Variants in CLIC4 observed in about 807,000 individuals in gnomAD.
The protein encoded by CLIC4 is CLIC family member 4.
Under a neutral mutation model 24.6 loss-of-function variants are expected in CLIC4, and 13 were observed. The ratio of observed to expected loss-of-function variants is 0.53; its 90% CI spans 0.34 to 0.84. CLIC4 has a LOEUF of 0.84. CLIC4 is among the 40% of genes least tolerant of loss of function. The probability of loss-of-function intolerance (pLI) is 0.01; values close to 1 mark genes in which losing one functional copy is unlikely to be tolerated. For missense variants in CLIC4, 227 were observed against 301.7 expected, an observed-to-expected ratio of 0.75 and a Z score of 1.83; for synonymous variants, 104 against 111.3, an observed-to-expected ratio of 0.93 and a Z score of 0.41.
At chr1:24,797,626 T>C (rs1639419400) in intron 1 of CLIC4, 116 bp from the exon 2 acceptor site, 6 of 630,922 alleles carry the variant, frequency 9.5e-6, no homozygotes, top group Non-Finnish European at 1.6e-5. Flanking sequence ...TACTCTTCCT[T>C]CCACAATGTA....
chr1:24,820,082 T>TATATATATATATAA (rs1639713298), intron 3 of CLIC4, among the ~76,000 whole-genome samples: 1 of 103,342 alleles, frequency 9.7e-6, no homozygotes, highest in Non-Finnish European at 2.1e-5. Flanking sequence ...TATATATGTA[T>TATATATATATATAA]ATATATATAT....
Position 24,745,571 on chromosome 1 carries a change from G to T in CLIC4, c.18G>T (p.Pro6=). ...AGCCGGCCATGGCGTTGTCGATGCCGCTGAATGGGCTGAAGGAGGAGGACA... is the reference window on the plus strand; with the variant it reads ...AGCCGGCCATGGCGTTGTCGATGCCTCTGAATGGGCTGAAGGAGGAGGACA... MALSM[P]LNGLKEEDKE... The change falls in exon 1 of 6, where the codon CCG becomes CCT. Residue 6 remains proline (P), a synonymous_variant. Coordinates refer to ENST00000374379, the MANE Select transcript of CLIC4 (RefSeq NM_013943.3). The T allele has an allele frequency of 6.3e-7, 1 of 1,591,672 alleles. No homozygotes were observed. Among genetic ancestry groups the T allele is most frequent in the Non-Finnish European group, 8.5e-7 (1 of 1,171,678 alleles).
At chr1:24,805,086 C>A (rs1439771773) in intron 2 of CLIC4, among the ~76,000 whole-genome samples, 86 of 46,742 alleles carry the variant, frequency 1.8e-3, no homozygotes, top group Middle Eastern at 0.015. Context: ...GACTCCATGT[C>A]AAAAAAAAAA....
At chr1:24,831,778 A>G (rs1406603836) in intron 4 of CLIC4, among the ~76,000 whole-genome samples, 1 of 152,152 alleles carries the variant, frequency 6.6e-6, no homozygotes, top group Non-Finnish European at 1.5e-5. Flanking sequence ...AGCTGGGACT[A>G]CAGGCGTGCA....
chr1:24,837,956 C>T (rs1321835593), intron 4 of CLIC4, among the ~76,000 whole-genome samples: 1 of 152,196 alleles, frequency 6.6e-6, no homozygotes, highest in Non-Finnish European at 1.5e-5. Flanking sequence ...TTTATGTTCT[C>T]ATAACTTCTA....
intron 1 of CLIC4, among the ~76,000 whole-genome samples, chr1:24,773,179 A>G (rs1361088204): frequency 6.6e-6 from 1 of 152,174 alleles, no homozygotes. Flanking sequence ...TCTTAAAAAG[A>G]AAAAACTTTC....
chr1:24,824,045 G>A (rs1447485542), intron 3 of CLIC4, among the ~76,000 whole-genome samples: 9 of 152,158 alleles, frequency 5.9e-5, no homozygotes, highest in African/African-American at 1.4e-4. Context: ...GTTAAAATGA[G>A]TTCTCACAAT....
intron 1 of CLIC4, among the ~76,000 whole-genome samples, chr1:24,758,908 G>A (rs191661156): frequency 3.3e-5 from 5 of 152,150 alleles, no homozygotes; most frequent in African/African-American, 7.2e-5. Flanking sequence ...TGAAGGATGA[G>A]CACTGATCTG....
chr1:24,836,496 C>T (rs774866362), intron 4 of CLIC4, among the ~76,000 whole-genome samples: 2 of 151,976 alleles, frequency 1.3e-5, no homozygotes, highest in Non-Finnish European at 2.9e-5. Context: ...AAATTGAAAA[C>T]GAGGAATGTT....
At chr1:24,787,489 G>C (rs1322283374) in intron 1 of CLIC4, among the ~76,000 whole-genome samples, 1 of 152,000 alleles carries the variant, frequency 6.6e-6, no homozygotes, top group Non-Finnish European at 1.5e-5. Flanking sequence ...ATACAGTTCA[G>C]TGGTTTTTAG....
At chr1:24,820,793 A>G (rs188442194) in intron 3 of CLIC4, among the ~76,000 whole-genome samples, 9 of 152,350 alleles carry the variant, frequency 5.9e-5, no homozygotes, top group Admixed American at 2.6e-4. Flanking sequence ...CCAAGTATAT[A>G]TAAGTTTTTA....
chr1:24,770,308 A>G (rs1375423109), intron 1 of CLIC4, among the ~76,000 whole-genome samples: 1 of 131,304 alleles, frequency 7.6e-6, no homozygotes, highest in Admixed American at 7.5e-5. Flanking sequence ...AGGTTGGTAG[A>G]AAAAAAAAAA....
intron 4 of CLIC4, among the ~76,000 whole-genome samples, chr1:24,829,129 C>T (rs1639815716): frequency 6.6e-6 from 1 of 152,128 alleles, no homozygotes; most frequent in African/African-American, 2.4e-5. Flanking sequence ...TGACAATTTA[C>T]ACAGAGATGA....
chr1:24,781,216 C>CCTCTGTCTCCCTGG (rs1340523171), intron 1 of CLIC4, among the ~76,000 whole-genome samples: 3 of 148,642 alleles, frequency 2.0e-5, no homozygotes, highest in Non-Finnish European at 4.5e-5. Context: ...CTCACTGCAA[C>CCTCTGTCTCCCTGG]CTCTGTCTCC....
intron 4 of CLIC4, among the ~76,000 whole-genome samples, chr1:24,828,169 G>T (rs1639805204): frequency 6.6e-6 from 1 of 152,140 alleles, no homozygotes; most frequent in South Asian, 2.1e-4. Context: ...ATTATAAAAT[G>T]CTGCAATTTT....
chr1:24,782,524 T>C (rs1436718893), intron 1 of CLIC4, among the ~76,000 whole-genome samples: 1 of 152,152 alleles, frequency 6.6e-6, no homozygotes, highest in African/African-American at 2.4e-5. Context: ...AAAAAAGTTT[T>C]AATTTTAAAA....
chr1:24,806,741 TTTG>T (rs1412695708), intron 2 of CLIC4, among the ~76,000 whole-genome samples: 11 of 152,240 alleles, frequency 7.2e-5, no homozygotes, highest in African/African-American at 2.7e-4. Context: ...TGCATAATGC[TTTG>T]TTAATATGAT....
At chr1:24,791,259 G>A (rs901110080) in intron 1 of CLIC4, among the ~76,000 whole-genome samples, 2 of 152,090 alleles carry the variant, frequency 1.3e-5, no homozygotes, top group Non-Finnish European at 2.9e-5. Flanking sequence ...TAGAATAAAC[G>A]TATCCTGGCT....
At chr1:24,807,087 A>G (rs1639558138) in intron 2 of CLIC4, among the ~76,000 whole-genome samples, 1 of 152,100 alleles carries the variant, frequency 6.6e-6, no homozygotes, top group African/African-American at 2.4e-5. Context: ...CAGGAGTTTG[A>G]GGACAGCCTG....
Sources: allele counts gnomAD v4.1 joint callset (sites outside exome capture counted in the v4.1 genomes callset), GRCh38; gene constraint gnomAD v4.1.1; transcripts MANE v1.5; gene names NCBI Gene and HGNC (gene_info 2026-07-23, HGNC 2026-07-21).